The following GABRG3 variants were observed in gnomAD, a reference collection of about 807,000 sequenced individuals.
The protein encoded by GABRG3 is gamma-aminobutyric acid type A receptor subunit gamma3.
Under a neutral mutation model 48.8 loss-of-function variants are expected in GABRG3, and 25 were observed. The ratio of observed to expected loss-of-function variants is 0.51; its 90% CI spans 0.37 to 0.72. GABRG3 has a LOEUF of 0.72. Among genes scored for constraint, GABRG3 ranks in the 30% least tolerant of loss-of-function variants. The pLI is 0.00. For synonymous variants in GABRG3, 227 were observed against 217.6 expected, an observed-to-expected ratio of 1.04 and a Z score of -0.38; for missense variants, 394 against 577.9, an observed-to-expected ratio of 0.68 and a Z score of 3.26.
chr15:27,463,085 T>C (rs986185604), intron 5 of GABRG3, among the ~76,000 whole-genome samples: 10 of 152,130 alleles, frequency 6.6e-5, no homozygotes, highest in Non-Finnish European at 1.5e-4. Flanking sequence ...GCTACTAAAA[T>C]TATTAAAATT....
intron 3 of GABRG3, among the ~76,000 whole-genome samples, chr15:27,119,614 A>G (rs1231480110): frequency 6.6e-6 from 1 of 152,158 alleles, no homozygotes; most frequent in Non-Finnish European, 1.5e-5. Flanking sequence ...GGCTGAAGTT[A>G]TTGTGTCCTT....
At chr15:27,057,267 G>A (rs1896564952) in intron 3 of GABRG3, among the ~76,000 whole-genome samples, 1 of 152,132 alleles carries the variant, frequency 6.6e-6, no homozygotes, top group Admixed American at 6.6e-5. Flanking sequence ...CTTCAATAAA[G>A]AAGTTTTCCG....
At chr15:27,355,051 C>T (rs186826992) in intron 5 of GABRG3, among the ~76,000 whole-genome samples, 1 of 152,254 alleles carries the variant, frequency 6.6e-6, no homozygotes, top group African/African-American at 2.4e-5. Context: ...TTGTGTGGTG[C>T]CAGGAAGACC....
At chr15:27,089,667 A>G (rs1488419031) in intron 3 of GABRG3, among the ~76,000 whole-genome samples, 1 of 152,098 alleles carries the variant, frequency 6.6e-6, no homozygotes, top group Non-Finnish European at 1.5e-5. Flanking sequence ...GCACAGTGGC[A>G]GATCATGCAG....
At chr15:27,369,925 C>CAGAT (rs1895350125) in intron 5 of GABRG3, among the ~76,000 whole-genome samples, 1 of 151,528 alleles carries the variant, frequency 6.6e-6, no homozygotes, top group Non-Finnish European at 1.5e-5. Flanking sequence ...AGGCTGAGGA[C>CAGAT]AGATGTTCCT....
At position 27,473,086 on chromosome 15, in the gene GABRG3, T is replaced by C. The variant is rs138763890; in HGVS notation, c.575-7564T>C. Among the ~76,000 whole-genome samples the C allele has an allele frequency of 5.5e-3, 831 of 152,330 alleles. 8 individuals are homozygous for C. The highest frequency in any genetic ancestry group is 0.019 in the African/African-American group (797 of 41,572). ...TAAGCAAGAATGCTTTTCTTGTGCA[T>C]TCATTATTAGGTTGTATATCATTGT... is the stretch of plus-strand genomic sequence containing the variant. On this transcript the variant is annotated intron_variant, in intron 5 of 9. Transcript: ENST00000615808.
intron 6 of GABRG3, among the ~76,000 whole-genome samples, chr15:27,499,791 AG>A (rs1163635742): frequency 6.6e-6 from 1 of 152,232 alleles, no homozygotes; most frequent in African/African-American, 2.4e-5. Flanking sequence ...GAAAGCCCAC[AG>A]GCAGAATTCT....
At chr15:27,103,958 T>C (rs576225600) in intron 3 of GABRG3, among the ~76,000 whole-genome samples, 1 of 152,308 alleles carries the variant, frequency 6.6e-6, no homozygotes, top group Admixed American at 6.5e-5. Context: ...TCTTTAATAA[T>C]TAGTGGGAAG....
chr15:27,137,671 ATC>A (rs1480641741), intron 3 of GABRG3, among the ~76,000 whole-genome samples: 2 of 135,256 alleles, frequency 1.5e-5, no homozygotes, highest in African/African-American at 5.0e-5. Context: ...TCCCTAACTT[ATC>A]TCTGTTTTCA....
chr15:27,201,721 C>G (rs1428633431), intron 3 of GABRG3, among the ~76,000 whole-genome samples: 1 of 151,982 alleles, frequency 6.6e-6, no homozygotes, highest in Non-Finnish European at 1.5e-5. Flanking sequence ...CTTTTATTCC[C>G]CTTTTAGTGC....
intron 5 of GABRG3, among the ~76,000 whole-genome samples, chr15:27,460,024 C>T (rs1889401375): frequency 6.6e-6 from 1 of 152,138 alleles, no homozygotes; most frequent in African/African-American, 2.4e-5. Context: ...ATTGGACTGC[C>T]TTATTACTGT....
intron 3 of GABRG3, among the ~76,000 whole-genome samples, chr15:27,293,352 T>A (rs1166341160): frequency 6.6e-6 from 1 of 151,366 alleles, no homozygotes; most frequent in Non-Finnish European, 1.5e-5. Context: ...TTATTGGGAG[T>A]AAATGCTGGG....
intron 5 of GABRG3, among the ~76,000 whole-genome samples, chr15:27,381,728 T>G (rs2140564929): frequency 6.6e-6 from 1 of 152,342 alleles, no homozygotes; most frequent in South Asian, 2.1e-4. Context: ...ATGCCAGGAC[T>G]GGAAACCAGA....
chr15:27,212,419 T>C (rs887300049), intron 3 of GABRG3, among the ~76,000 whole-genome samples: 3 of 152,230 alleles, frequency 2.0e-5, no homozygotes, highest in African/African-American at 7.2e-5. Context: ...AGCATATCCA[T>C]TCAGTATTTG....
At chr15:27,122,860 C>T (rs1239953221) in intron 3 of GABRG3, among the ~76,000 whole-genome samples, 3 of 152,272 alleles carry the variant, frequency 2.0e-5, no homozygotes, top group East Asian at 1.9e-4. Context: ...CTCACTTCCC[C>T]GTGTAGCTCA....
rs569433275 is a variant in GABRG3, at chr15:27,340,753, T to C, written c.574+11865T>C. On this transcript the variant is annotated intron_variant, in intron 5 of 9. Transcript: ENST00000615808. ...TATACTAGTCAGACATTTTCTATTT[T>C]TCATGCAATGTAATCCGAAAGTGCT... The C allele has an allele frequency of 3.3e-3, 550 of 166,062 alleles. 2 individuals carry two copies. The highest frequency in any genetic ancestry group is 5.1e-3 in the Non-Finnish European group (386 of 75,392). 10.3% of individuals were successfully genotyped at this position (166,062 alleles called of 1,614,324 possible).
intron 3 of GABRG3, among the ~76,000 whole-genome samples, chr15:27,064,024 T>C (rs1006803697): frequency 6.6e-6 from 1 of 152,210 alleles, no homozygotes; most frequent in Non-Finnish European, 1.5e-5. Flanking sequence ...ACCAAGCAAC[T>C]GTTTTTGGAG....
intron 3 of GABRG3, among the ~76,000 whole-genome samples, chr15:27,290,280 A>G (rs917772010): frequency 6.6e-6 from 1 of 152,164 alleles, no homozygotes; most frequent in Non-Finnish European, 1.5e-5. Context: ...CAAATCTTAT[A>G]TACAGAAAAA....
At chr15:27,378,395 C>G (rs887937143) in intron 5 of GABRG3, among the ~76,000 whole-genome samples, 8 of 152,102 alleles carry the variant, frequency 5.3e-5, no homozygotes, top group African/African-American at 1.9e-4. Context: ...TCTCTGACCC[C>G]CTCTTACTTA....
Sources: gnomAD v4.1 joint callset for allele counts (sites outside exome capture counted in the v4.1 genomes callset) on GRCh38, gnomAD v4.1.1 for gene constraint, MANE v1.5 for transcripts, NCBI Gene and HGNC (gene_info 2026-07-23, HGNC 2026-07-21) for gene names.